POMGNT1: variants seen among roughly 807,000 people sequenced by gnomAD.
POMGNT1 encodes protein O-linked mannose N-acetylglucosaminyltransferase 1 (beta 1,2-).
A neutral mutation model predicts 95.6 loss-of-function variants in POMGNT1; 67 were observed. The observed-to-expected ratio is 0.70, with a 90% CI of 0.58 to 0.86. POMGNT1 has a LOEUF of 0.86. Among genes scored for constraint, POMGNT1 ranks in the 40% least tolerant of loss-of-function variants. POMGNT1 has a pLI of 0.00. For synonymous variants in POMGNT1, 298 were observed against 317.9 expected, an observed-to-expected ratio of 0.94 and a Z score of 0.66; for missense variants, 719 against 855.2, an observed-to-expected ratio of 0.84 and a Z score of 1.99.
intron 1 of POMGNT1, among the ~76,000 whole-genome samples, chr1:46,214,841 TG>T (rs1332860887): frequency 1.9e-5 from 2 of 105,928 alleles, no homozygotes; most frequent in African/African-American, 7.4e-5. Flanking sequence ...CACTCCAGCC[TG>T]GGGGACAAGA....
At position 46,197,866 on chromosome 1, in the gene POMGNT1, A is replaced by T. The variant is rs1212819824; in HGVS notation, c.-45T>A. 3.7e-6 allele frequency: 6 copies of T among 1,612,260 alleles called. 1 individual carries two copies. The African/African-American group carries it at 8.0e-5, about 22-fold the overall frequency. On this transcript the variant is annotated 5_prime_UTR_variant, in exon 2 of 22. Transcript: ENST00000371984. ...AATGTCCTGGCCAGCCCATGACTTC[A>T]GGAATCTGAAGGGACCAGAGGGCCA...
Position 46,196,912 on chromosome 1 carries a change from CCTGCCA to C in POMGNT1, c.235+52_235+57del. The stretch of plus-strand genomic sequence containing the variant: ...GCAGAGTCTCACCGCTTAGGGTCTG[CCTGCCA>C]CTCCAGCTGTGAGATCCAAGGCCCC... On this transcript the variant is annotated intron_variant, in intron 3 of 21. Coordinates refer to ENST00000371984, the MANE Select transcript of POMGNT1 (RefSeq NM_017739.4). This position sits in a 1 kb window ranked among gnomAD's most constrained non-coding sequence, Gnocchi z 4.4. 1 of 1,614,194 alleles carries C rather than the reference CCTGCCA, an allele frequency of 6.2e-7. No individual in the cohort carries two copies. Among genetic ancestry groups the C allele is most frequent in the Non-Finnish European group, 8.5e-7 (1 of 1,180,032 alleles).
At chr1:46,191,069 T>C in intron 17 of POMGNT1, 1 of 401,096 alleles carries the variant, frequency 2.5e-6, no homozygotes, top group African/African-American at 2.1e-5. Context: ...TAGTTCTCCC[T>C]GGGCCTGCTG....
chr1:46,220,196 C>G (rs1043455009), exon 1 of POMGNT1: 7 of 1,611,094 alleles, frequency 4.3e-6, no homozygotes, highest in Non-Finnish European at 5.9e-6. Flanking sequence ...GGGAGCAGTG[C>G]CAGGATGATG....
intron 1 of POMGNT1, among the ~76,000 whole-genome samples, chr1:46,205,115 G>A (rs1219257193): frequency 1.3e-5 from 2 of 152,104 alleles, no homozygotes; most frequent in Non-Finnish European, 2.9e-5. Flanking sequence ...AAAATTAGAT[G>A]GGTGTTGTGG....
intron 1 of POMGNT1, among the ~76,000 whole-genome samples, chr1:46,212,589 T>A (rs1472169364): frequency 6.6e-6 from 1 of 151,582 alleles, no homozygotes; most frequent in Admixed American, 6.6e-5. Flanking sequence ...CCAAATTTTT[T>A]TTTTTGAATC....
intron 17 of POMGNT1, 157 bp downstream of exon 17, chr1:46,191,941 C>T (rs755677942): frequency 3.9e-6 from 5 of 1,271,570 alleles, no homozygotes; most frequent in African/African-American, 1.5e-5. Context: ...GCCCTTTATC[C>T]TCATTTTTCA....
chr1:46,202,908 G>GT (rs913276746), upstream of POMGNT1, among the ~76,000 whole-genome samples: 1 of 104,018 alleles, frequency 9.6e-6, no homozygotes, highest in Non-Finnish European at 2.0e-5. Context: ...CTAGCCCCTG[G>GT]GGGGGGGGGG....
At chr1:46,206,019 C>T (rs1412146201) in intron 1 of POMGNT1, among the ~76,000 whole-genome samples, 2 of 152,216 alleles carry the variant, frequency 1.3e-5, no homozygotes, top group Non-Finnish European at 2.9e-5. Flanking sequence ...CTTCCTCTAC[C>T]CTCCATTCAA....
rs948254841 is a variant in POMGNT1, at chr1:46,194,222, C to G, written c.879+52G>C. 5 of 1,613,936 alleles carry G rather than the reference C, an allele frequency of 3.1e-6. No individual in the cohort carries two copies. In the East Asian group the frequency reaches 8.9e-5, roughly 29 times the overall value. On this transcript the variant is annotated intron_variant, in intron 9 of 21. Coordinates refer to ENST00000371984, the MANE Select transcript of POMGNT1 (RefSeq NM_017739.4). ...CAACCTAGATCATTCCTGGGGCCCC[C>G]CTGCTGAGCTGGGAAGGAGTCCAAA...
rs200363064 is a variant in POMGNT1 at position 46,194,357 on chromosome 1, G to A, written c.796C>T (p.Arg266Trp). ...WADTELNRRR[R>W]RFCSKVEGYG... ...CCCTCAACTTTGCTGCAGAAGCGCC[G>A]GCGGCGACGGTTCAGCTCTGTGTCT... The change falls in exon 9 of 22, where the codon CGG (arginine) becomes TGG (tryptophan). Residue 266 changes from arginine (R) to tryptophan (W), a missense_variant. Transcript: ENST00000371984. The A allele has an allele frequency of 1.3e-4, 217 of 1,614,242 alleles. 1 individual carries two copies. In the East Asian group the frequency reaches 2.5e-3, roughly 18 times the overall value.
exon 1 of POMGNT1, chr1:46,220,250 G>A (rs1659199729): frequency 6.4e-7 from 1 of 1,564,908 alleles, no homozygotes; most frequent in Admixed American, 1.8e-5. Context: ...TAATCCTGTG[G>A]CTCTTTTATC....
intron 1 of POMGNT1, chr1:46,219,657 A>C: frequency 6.6e-7 from 1 of 1,521,828 alleles, no homozygotes; most frequent in Non-Finnish European, 8.8e-7. Context: ...GGGGAAACCC[A>C]TGCCCCAGAA....
intron 1 of POMGNT1, among the ~76,000 whole-genome samples, chr1:46,207,387 G>T (rs551031440): frequency 2.0e-5 from 3 of 149,376 alleles, no homozygotes; most frequent in African/African-American, 7.4e-5. Context: ...TCCTAGCTGA[G>T]TCCTTCTTAA....
chr1:46,190,066 T>C (rs1657637374), intron 19 of POMGNT1, 77 bp from the exon 20 acceptor site: 3 of 1,549,498 alleles, frequency 1.9e-6, no homozygotes, highest in Non-Finnish European at 2.6e-6. Context: ...CTGTACTTGG[T>C]TGAATGCTCT....
intron 1 of POMGNT1, among the ~76,000 whole-genome samples, chr1:46,216,229 G>A (rs1478186709): frequency 6.6e-6 from 1 of 151,580 alleles, no homozygotes; most frequent in Non-Finnish European, 1.5e-5. Context: ...TGTATTTTTA[G>A]TAGAGACGGG....
chr1:46,210,448 A>G (rs918982486), intron 1 of POMGNT1, among the ~76,000 whole-genome samples: 2 of 152,158 alleles, frequency 1.3e-5, no homozygotes, highest in Admixed American at 6.5e-5. Context: ...ACAGTGTCAC[A>G]TCCCACAGGT....
rs1488720917 is a variant in POMGNT1 at position 46,197,015 on chromosome 1, C to T, written c.190G>A (p.Ala64Thr). ...NIKLILDTRRAISEANEDPEP... is the reference protein window; with the variant it reads ...NIKLILDTRRTISEANEDPEP... ...GGGTCTTCATTGGCTTCACTGATGGCTCGCCGAGTGTCCAGGATCAACTTG... is the reference window on the plus strand; with the variant it reads ...GGGTCTTCATTGGCTTCACTGATGGTTCGCCGAGTGTCCAGGATCAACTTG... The change falls in exon 3 of 22, where the codon GCC becomes ACC. Residue 64 changes from alanine (A) to threonine (T), a missense_variant. Around this residue, in one of 5 missense-constraint regions of POMGNT1, gnomAD observed 466 missense variants for 517.4 expected, o/e 0.90. Transcript: ENST00000371984. The T allele has an allele frequency of 6.2e-7, 1 of 1,614,216 alleles. No individual in the cohort carries two copies.
chr1:46,193,174 C>T lies in POMGNT1; in HGVS notation c.1152G>A (p.Pro384=), dbSNP rs760312462. Residue 384 remains proline, a splice_region_variant and synonymous_variant, in exon 13 of 22, where the codon CCG becomes CCA. Coordinates refer to ENST00000371984, the MANE Select transcript of POMGNT1 (RefSeq NM_017739.4). ...ASLTATFNLF[P]EAKFAVVLEE... Reference sequence around the variant, plus strand: ...CAAGAGTTGTATCCTTAGTACTCACCGGAAACAGGTTGAAAGTGGCAGTGA... The same window carrying T: ...CAAGAGTTGTATCCTTAGTACTCACTGGAAACAGGTTGAAAGTGGCAGTGA... The T allele has an allele frequency of 1.6e-5, 26 of 1,614,014 alleles. No individual in the cohort carries two copies. Among genetic ancestry groups the T allele is most frequent in the South Asian group, 7.7e-5 (7 of 91,074 alleles).
Sources: allele counts gnomAD v4.1 joint callset (sites outside exome capture counted in the v4.1 genomes callset), GRCh38; gene constraint gnomAD v4.1.1; regional missense constraint gnomAD v4.1.1; non-coding constraint Gnocchi (gnomAD v3.1); transcripts MANE v1.5; gene names NCBI Gene and HGNC (gene_info 2026-07-23, HGNC 2026-07-21).